Variants in LSAMP observed in about 807,000 individuals in gnomAD.
The protein encoded by LSAMP is limbic system-associated membrane protein.
Under a neutral mutation model 38.6 loss-of-function variants are expected in LSAMP, and 7 were observed. The ratio of observed to expected loss-of-function variants is 0.18; its 90% CI spans 0.10 to 0.34. The LOEUF is 0.34. LSAMP is among the 10% of genes least tolerant of loss of function. The probability of loss-of-function intolerance (pLI) is 1.00; values close to 1 mark genes in which losing one functional copy is unlikely to be tolerated. For missense variants in LSAMP, 313 were observed against 420.0 expected (o/e 0.75, Z 2.23); for synonymous variants, 154 against 166.8 (o/e 0.92, Z 0.59).
At chr3:116,239,296 C>G (rs920398252) in intron 1 of LSAMP, among the ~76,000 whole-genome samples, 3 of 152,094 alleles carry the variant, frequency 2.0e-5, no homozygotes, top group Non-Finnish European at 4.4e-5. Context: ...TGATAAAGTT[C>G]ACTTACTAAG....
chr3:116,350,872 T>A (rs942128979), intron 1 of LSAMP, among the ~76,000 whole-genome samples: 3 of 152,014 alleles, frequency 2.0e-5, no homozygotes, highest in Non-Finnish European at 4.4e-5. Context: ...CTTTAAACTG[T>A]AAAAGTTATG....
intron 1 of LSAMP, among the ~76,000 whole-genome samples, chr3:116,442,848 A>G (rs1388228137): frequency 6.6e-6 from 1 of 152,152 alleles, no homozygotes; most frequent in Non-Finnish European, 1.5e-5. Context: ...CTCTGTTTCT[A>G]TTGCGCCATA....
chr3:116,282,434 A>AAC (rs1224083934), intron 1 of LSAMP, among the ~76,000 whole-genome samples: 4 of 152,192 alleles, frequency 2.6e-5, no homozygotes, highest in African/African-American at 9.6e-5. Context: ...CTGTCATTGT[A>AAC]ACATTCTTTT....
chr3:116,133,240 A>C (rs1416776558), intron 1 of LSAMP, among the ~76,000 whole-genome samples: 2 of 151,184 alleles, frequency 1.3e-5, no homozygotes, highest in Non-Finnish European at 1.5e-5. Flanking sequence ...TTCCACATTT[A>C]CTTTTTTTTC....
intron 1 of LSAMP, among the ~76,000 whole-genome samples, chr3:116,401,496 G>A (rs2107826799): frequency 6.6e-6 from 1 of 152,254 alleles, no homozygotes; most frequent in East Asian, 1.9e-4. Flanking sequence ...TGCCCAGACT[G>A]GTCTCAAACT....
At chr3:115,919,034 G>A (rs1484248744) in intron 3 of LSAMP, among the ~76,000 whole-genome samples, 1 of 152,138 alleles carries the variant, frequency 6.6e-6, no homozygotes, top group Non-Finnish European at 1.5e-5. Context: ...GATGGACTAA[G>A]AGAGATGAAA....
chr3:115,810,241 C>T lies in LSAMP; in HGVS notation c.*76G>A, dbSNP rs75235287. 1.4e-5 allele frequency: 11 copies of T among 807,928 alleles called. No individual in the cohort carries two copies. Among genetic ancestry groups the T allele is most frequent in the Non-Finnish European group, 1.9e-5 (10 of 521,628 alleles). 50.0% of individuals were successfully genotyped at this position (807,928 alleles called of 1,614,324 possible). A position where few individuals can be genotyped will look rare whatever the true frequency, so the allele number is the denominator to read the frequency against. ...CCCCCATCTCTCTCTCTCTCTCTCT[C>T]TCTGTCTCTCTCTCTCTGTATTCTG... On this transcript the variant is annotated 3_prime_UTR_variant, in exon 7 of 7. Transcript: ENST00000490035.
intron 1 of LSAMP, among the ~76,000 whole-genome samples, chr3:116,192,866 CAA>C (rs1710786991): frequency 6.6e-6 from 1 of 152,150 alleles, no homozygotes; most frequent in Non-Finnish European, 1.5e-5. Flanking sequence ...CTATTCATGA[CAA>C]AGACTAAATT....
chr3:116,221,736 C>A (rs2046288361), intron 1 of LSAMP, among the ~76,000 whole-genome samples: 1 of 152,066 alleles, frequency 6.6e-6, no homozygotes, highest in African/African-American at 2.4e-5. Flanking sequence ...CTCACTACTT[C>A]CATCCTCACT....
At chr3:116,182,301 C>T (rs998542864) in intron 1 of LSAMP, among the ~76,000 whole-genome samples, 6 of 151,270 alleles carry the variant, frequency 4.0e-5, no homozygotes, top group Admixed American at 6.6e-5. Flanking sequence ...AAAATAGATA[C>T]CATATTTTAG....
At chr3:116,073,390 C>T (rs1277137048) in intron 2 of LSAMP, among the ~76,000 whole-genome samples, 5 of 152,070 alleles carry the variant, frequency 3.3e-5, no homozygotes, top group African/African-American at 9.7e-5. Context: ...ATTGTCTTGG[C>T]TATTTGGGCT....
At chr3:116,247,189 T>C (rs1398498759) in intron 1 of LSAMP, among the ~76,000 whole-genome samples, 1 of 152,196 alleles carries the variant, frequency 6.6e-6, no homozygotes, top group African/African-American at 2.4e-5. Flanking sequence ...ATTGTAAGTC[T>C]GGGAGTAACC....
chr3:116,204,187 C>T (rs2107596998), intron 1 of LSAMP, among the ~76,000 whole-genome samples: 1 of 151,990 alleles, frequency 6.6e-6, no homozygotes, highest in African/African-American at 2.4e-5. Flanking sequence ...TTTTTGGCTG[C>T]ATAAATGTCT....
At chr3:116,046,562 C>T (rs549085246) in intron 2 of LSAMP, among the ~76,000 whole-genome samples, 2 of 152,270 alleles carry the variant, frequency 1.3e-5, no homozygotes, top group East Asian at 3.9e-4. Flanking sequence ...AGATGGGGAG[C>T]AGAGCTCAAA....
At position 115,802,897 on chromosome 3, in the gene LSAMP, C is replaced by T. The variant is rs1277893005; in HGVS notation, c.*7420G>A. ...CCCTGAATTTCTTCCCTTTAACCTCCCTACTCCAAGTAAATACTTAGGGAG... is the reference window on the plus strand; with the variant it reads ...CCCTGAATTTCTTCCCTTTAACCTCTCTACTCCAAGTAAATACTTAGGGAG... On this transcript the variant is annotated 3_prime_UTR_variant, in exon 7 of 7. Transcript: ENST00000490035. 1 of 151,998 alleles carries T rather than the reference C, an allele frequency of 6.6e-6. No homozygotes were observed. The highest frequency in any genetic ancestry group is 1.5e-5 in the Non-Finnish European group (1 of 68,008). 9.4% of individuals were successfully genotyped at this position (151,998 alleles called of 1,614,324 possible).
At chr3:116,434,164 C>T (rs941567554) in intron 1 of LSAMP, among the ~76,000 whole-genome samples, 1 of 152,178 alleles carries the variant, frequency 6.6e-6, no homozygotes, top group South Asian at 2.1e-4. Flanking sequence ...GCTGACTTCA[C>T]CAAAATATCT....
In LSAMP at chr3:116,139,938, C is replaced by G. The variant is rs150207990; in HGVS notation, c.156-53382G>C. ...TTATGGCCTACTTTTCACAAACTAG[C>G]AAAGGGGCATAATAAGCAGAGATGG... On this transcript the variant is annotated intron_variant, in intron 1 of 6. Transcript: ENST00000490035. 1.3e-3 allele frequency among the ~76,000 whole-genome samples: 198 copies of G among 152,046 alleles called. 1 individual carries two copies. The highest frequency in any genetic ancestry group is 2.6e-3 in the Admixed American group (40 of 15,236).
intron 1 of LSAMP, among the ~76,000 whole-genome samples, chr3:116,153,113 A>G (rs1709649466): frequency 6.6e-6 from 1 of 152,150 alleles, no homozygotes. Context: ...GAATGAAAGT[A>G]TAAACTGAAA....
chr3:116,122,727 C>A (rs915000575), intron 1 of LSAMP, among the ~76,000 whole-genome samples: 2 of 152,022 alleles, frequency 1.3e-5, no homozygotes, highest in African/African-American at 4.8e-5. Flanking sequence ...ATACATTTAA[C>A]GTATATTATT....
Sources: allele counts gnomAD v4.1 joint callset (sites outside exome capture counted in the v4.1 genomes callset), GRCh38; gene constraint gnomAD v4.1.1; transcripts MANE v1.5; gene names NCBI Gene and HGNC (gene_info 2026-07-23, HGNC 2026-07-21).